The following TRAPPC8 variants were observed in gnomAD, a reference collection of about 807,000 sequenced individuals.
TRAPPC8 encodes trafficking protein particle complex subunit 8.
A neutral mutation model predicts 174.3 loss-of-function variants in TRAPPC8; 54 were observed. The observed-to-expected ratio is 0.31, with a 90% confidence interval of 0.25 to 0.39. TRAPPC8 has a LOEUF of 0.39. Ranked by LOEUF, TRAPPC8 falls within the 10% of genes least tolerant of loss-of-function variation. The pLI is 1.00. For synonymous variants in TRAPPC8, 630 were observed against 579.9 expected (o/e 1.09, Z -1.24); for missense variants, 1,531 against 1,699.1 (o/e 0.90, Z 1.74).
At chr18:31,914,977 T>C (rs1041387163) in intron 4 of TRAPPC8, among the ~76,000 whole-genome samples, 3 of 151,350 alleles carry the variant, frequency 2.0e-5, no homozygotes, top group Non-Finnish European at 4.4e-5. Context: ...GAGTGGACAG[T>C]GGAAAAAGTG....
At chr18:31,874,874 T>C (rs16962539) in intron 12 of TRAPPC8, among the ~76,000 whole-genome samples, 170 bp from the exon 13 acceptor site, 4,575 of 152,258 alleles carry the variant, frequency 0.03, 247 homozygotes, top group African/African-American at 0.1. Flanking sequence ...TTCACAATTA[T>C]ATATGGAATG....
At chr18:31,862,926 C>A (rs1003915578) in intron 19 of TRAPPC8, among the ~76,000 whole-genome samples, 2 of 151,816 alleles carry the variant, frequency 1.3e-5, no homozygotes, top group African/African-American at 2.4e-5. Flanking sequence ...CATGCTGGCA[C>A]CTGTAGTCCC....
chr18:31,937,792 C>T (rs1415596796), intron 1 of TRAPPC8, among the ~76,000 whole-genome samples: 1 of 152,086 alleles, frequency 6.6e-6, no homozygotes, highest in East Asian at 1.9e-4. Context: ...CAACCTTCAC[C>T]TCTCGAGTTC....
chr18:31,917,546 G>T (rs764165757), intron 3 of TRAPPC8, 32 bp downstream of exon 3: 3 of 1,565,924 alleles, frequency 1.9e-6, no homozygotes, highest in Non-Finnish European at 2.6e-6. Flanking sequence ...CATAATATTT[G>T]ATTTGAGGAG....
rs961351117 is a variant in TRAPPC8, at chr18:31,942,104, A to C, written c.157+504T>G. ...CGTATAGCTAAGAATATATTAGTAA[A>C]ACAGCTACACGGTAGTTCAGACAGA... On this transcript the variant is annotated intron_variant, in intron 1 of 28. Coordinates refer to ENST00000283351, the MANE Select transcript of TRAPPC8 (RefSeq NM_014939.5). Among the ~76,000 whole-genome samples the C allele has an allele frequency of 2.6e-5, 4 of 152,334 alleles. No homozygotes were observed. In the East Asian group the frequency reaches 7.7e-4, roughly 29 times the overall value.
rs138186774 is a variant in TRAPPC8, at chr18:31,910,335, A to T, written c.772-575T>A. Among the ~76,000 whole-genome samples, 948 of 152,322 alleles carry T rather than the reference A, an allele frequency of 6.2e-3. 12 individuals carry two copies. The highest frequency in any genetic ancestry group is 0.022 in the African/African-American group (907 of 41,576). The stretch of plus-strand genomic sequence containing the variant: ...CTACTCTACAAGACCAGTAAATATG[A>T]TGTATTATTCTGAGTGTCACACTTT... On this transcript the variant is annotated intron_variant, in intron 5 of 28. Transcript: ENST00000283351.
At chr18:31,919,672 C>T (rs2037304409) in intron 2 of TRAPPC8, among the ~76,000 whole-genome samples, 1 of 151,546 alleles carries the variant, frequency 6.6e-6, no homozygotes, top group African/African-American at 2.4e-5. Flanking sequence ...GCCTGGGATA[C>T]ATGGCGAAAC....
chr18:31,896,239 C>T (rs1169911838), intron 11 of TRAPPC8: 1 of 151,154 alleles, frequency 6.6e-6, no homozygotes, highest in Non-Finnish European at 1.5e-5. Context: ...GGCCGCAGTC[C>T]CAAAGAGAAA....
chr18:31,884,654 T>C (rs1399754568), intron 12 of TRAPPC8, among the ~76,000 whole-genome samples: 1 of 152,156 alleles, frequency 6.6e-6, no homozygotes, highest in Non-Finnish European at 1.5e-5. Flanking sequence ...TAGTTTCCAC[T>C]GTCCTCCACA....
rs76731542 is a variant in TRAPPC8, at chr18:31,854,043, G to A, written c.3337-98C>T. 3,804 of 882,876 alleles carry A rather than the reference G, an allele frequency of 4.3e-3. 69 individuals carry two copies. The highest frequency in any genetic ancestry group is 0.03 in the South Asian group (1,904 of 63,436). The allele number at this position is 882,876 out of a possible 1,614,324, so 54.7% of individuals were successfully genotyped here. A position where few individuals can be genotyped will look rare whatever the true frequency, so the allele number is the denominator to read the frequency against. Reference sequence around the variant, plus strand: ...TTCAGACACTGCTACCAAAGTCAATGTCAATTAACATAAGATGCAATTACA... The same window carrying A: ...TTCAGACACTGCTACCAAAGTCAATATCAATTAACATAAGATGCAATTACA... On this transcript the variant is annotated intron_variant, in intron 21 of 28. Transcript: ENST00000283351.
chr18:31,845,464 GTTTT>G (rs879717982), intron 26 of TRAPPC8, among the ~76,000 whole-genome samples: 1 of 145,118 alleles, frequency 6.9e-6, no homozygotes, highest in Non-Finnish European at 1.5e-5. Context: ...TAATGTTGTA[GTTTT>G]TTTTTTTTAA....
Position 31,890,836 on chromosome 18 carries a change from C to A in TRAPPC8, c.1627G>T (p.Glu543Ter). 2 of 1,610,190 alleles carry A rather than the reference C, an allele frequency of 1.2e-6. No individual in the cohort carries two copies. The highest frequency in any genetic ancestry group is 2.2e-5 in the South Asian group (2 of 90,372). The change falls in exon 12 of 29, where the codon GAA becomes TAA. Residue 543 changes from glutamate to a stop codon, truncating the protein, a stop_gained. Transcript: ENST00000283351. LOFTEE classifies it high-confidence loss of function. ...DSDLRSALLL[E>*]QAAHCFINMK... ...TTTATAAAGCAATGTGCTGCCTGTT[C>A]CAAAAGAAGTGCACTTCGAAGATCA...
Position 31,916,551 on chromosome 18 carries a change from G to A in TRAPPC8, c.443-105C>T, listed in dbSNP as rs1397265789. On this transcript the variant is annotated intron_variant, in intron 3 of 28. Coordinates refer to ENST00000283351, the MANE Select transcript of TRAPPC8 (RefSeq NM_014939.5). ...TTTGTTTGTTTGTTTGTTTGTTTCT[G>A]AGACAAAGTCTCACTCTGTAGCCCA... The A allele has an allele frequency of 3.3e-6, 4 of 1,209,188 alleles. No individual in the cohort carries two copies. In the South Asian group the frequency reaches 5.0e-5, roughly 15 times the overall value. The allele number at this position is 1,209,188 out of a possible 1,614,324, so 74.9% of individuals were successfully genotyped here.
chr18:31,866,680 T>C (rs1179336619), intron 18 of TRAPPC8, among the ~76,000 whole-genome samples, 169 bp downstream of exon 18: 1 of 152,226 alleles, frequency 6.6e-6, no homozygotes, highest in Non-Finnish European at 1.5e-5. Flanking sequence ...ACGCTAGAGA[T>C]GATGTTAGAA....
chr18:31,911,515 G>A (rs1663774431), intron 5 of TRAPPC8, among the ~76,000 whole-genome samples: 1 of 151,638 alleles, frequency 6.6e-6, no homozygotes, highest in African/African-American at 2.4e-5. Context: ...GAGGCAGGGG[G>A]ATAACTTGAG....
Position 31,876,489 on chromosome 18 carries a change from C to CAAAAAAAAA in TRAPPC8, c.1729-1794_1729-1786dup, listed in dbSNP as rs71175801. ...TGGGCTACACTGCGAGACTCCATCT[C>CAAAAAAAAA]AAAAAAAAAAAAAAAAAAAAAAAGA... On this transcript the variant is annotated intron_variant, in intron 12 of 28. Coordinates refer to ENST00000283351, the MANE Select transcript of TRAPPC8 (RefSeq NM_014939.5). 7.0e-4 allele frequency among the ~76,000 whole-genome samples: 34 copies of CAAAAAAAAA among 48,712 alleles called. 5 individuals carry two copies. The highest frequency in any genetic ancestry group is 1.6e-3 in the African/African-American group (17 of 10,624). 32.0% of individuals were successfully genotyped at this position (48,712 alleles called of 152,430 possible). A position where few individuals can be genotyped will look rare whatever the true frequency, so the allele number is the denominator to read the frequency against.
chr18:31,935,573 G>A (rs1395971481), intron 1 of TRAPPC8, among the ~76,000 whole-genome samples: 1 of 51,000 alleles, frequency 2.0e-5, no homozygotes, highest in Non-Finnish European at 4.2e-5. Flanking sequence ...AAAAAAGCAG[G>A]CTTTATGAAC....
intron 27 of TRAPPC8, among the ~76,000 whole-genome samples, chr18:31,833,005 A>C (rs1180641751): frequency 6.6e-6 from 1 of 152,206 alleles, no homozygotes; most frequent in African/African-American, 2.4e-5. Context: ...AATACTTTTT[A>C]AACAATACCG....
At chr18:31,863,022 A>G (rs1275208423) in intron 19 of TRAPPC8, among the ~76,000 whole-genome samples, 2 of 145,394 alleles carry the variant, frequency 1.4e-5, no homozygotes, top group Non-Finnish European at 3.0e-5. Context: ...ACTGCACTTC[A>G]GCCTGGGTGA....
Sources: gnomAD v4.1 joint callset for allele counts (sites outside exome capture counted in the v4.1 genomes callset) on GRCh38, gnomAD v4.1.1 for gene constraint, MANE v1.5 for transcripts, NCBI Gene and HGNC (gene_info 2026-07-23, HGNC 2026-07-21) for gene names.